Variants in NKAIN2 observed in about 807,000 individuals in gnomAD.
The protein encoded by NKAIN2 is sodium/potassium-transporting ATPase subunit beta-1-interacting protein 2.
Under a neutral mutation model 32.6 loss-of-function variants are expected in NKAIN2, and 14 were observed. That is an observed-to-expected ratio of 0.43 (90% CI 0.28 to 0.67). The LOEUF (loss-of-function observed/expected upper bound fraction) is 0.67. Ranked by LOEUF, NKAIN2 falls within the 30% of genes least tolerant of loss-of-function variation. The pLI, the probability that NKAIN2 is intolerant of heterozygous loss-of-function variation, is 0.17. For missense variants in NKAIN2, 198 were observed against 258.3 expected (o/e 0.77, Z 1.60); for synonymous variants, 80 against 87.2 (o/e 0.92, Z 0.46).
chr6:124,726,178 A>G (rs1450819045), intron 4 of NKAIN2, among the ~76,000 whole-genome samples: 3 of 152,158 alleles, frequency 2.0e-5, no homozygotes, highest in Admixed American at 6.5e-5. Context: ...CAAAGCAGCC[A>G]GAAAGCTCCA....
At chr6:123,868,159 T>C (rs148474752) in intron 1 of NKAIN2, among the ~76,000 whole-genome samples, 1,820 of 152,176 alleles carry the variant, frequency 0.012, 26 homozygotes, top group Non-Finnish European at 0.02. Flanking sequence ...TGAGCCACTG[T>C]GCCCAGCCTG....
At chr6:124,092,082 C>G (rs1784450881) in intron 1 of NKAIN2, among the ~76,000 whole-genome samples, 1 of 151,954 alleles carries the variant, frequency 6.6e-6, no homozygotes, top group East Asian at 1.9e-4. Context: ...ATGCCATATG[C>G]CCTTTCACCT....
At chr6:124,171,016 A>T (rs1788820037) in intron 1 of NKAIN2, among the ~76,000 whole-genome samples, 1 of 152,108 alleles carries the variant, frequency 6.6e-6, no homozygotes, top group African/African-American at 2.4e-5. Context: ...TAAAAAACAA[A>T]TTTTCATAAT....
At chr6:124,222,235 A>G (rs1195238864) in intron 1 of NKAIN2, among the ~76,000 whole-genome samples, 1 of 152,232 alleles carries the variant, frequency 6.6e-6, no homozygotes, top group African/African-American at 2.4e-5. Flanking sequence ...GTCAGTCAAG[A>G]AAAGGAAAGA....
chr6:124,265,162 A>G (rs1794436357), intron 1 of NKAIN2, among the ~76,000 whole-genome samples: 1 of 152,034 alleles, frequency 6.6e-6, no homozygotes, highest in Non-Finnish European at 1.5e-5. Flanking sequence ...TTTTCAAGTG[A>G]CTTCATTCAA....
At chr6:124,259,754 G>T (rs1273316102) in intron 1 of NKAIN2, among the ~76,000 whole-genome samples, 1 of 151,972 alleles carries the variant, frequency 6.6e-6, no homozygotes, top group Non-Finnish European at 1.5e-5. Context: ...CTGATGCCTA[G>T]ATGACTATTA....
chr6:124,028,780 T>C (rs1432058356), intron 1 of NKAIN2, among the ~76,000 whole-genome samples: 2 of 146,238 alleles, frequency 1.4e-5, no homozygotes, highest in African/African-American at 5.2e-5. Flanking sequence ...TATATACATA[T>C]ATACGCATAT....
chr6:124,004,242 C>T (rs955027887), intron 1 of NKAIN2, among the ~76,000 whole-genome samples: 5 of 152,064 alleles, frequency 3.3e-5, no homozygotes, highest in African/African-American at 4.8e-5. Context: ...ATCTGTGGTA[C>T]GGTTCATTTG....
At chr6:123,901,037 C>T (rs983402668) in intron 1 of NKAIN2, among the ~76,000 whole-genome samples, 2 of 152,116 alleles carry the variant, frequency 1.3e-5, no homozygotes, top group Middle Eastern at 3.2e-3. Context: ...TGTCCTCTGA[C>T]CCATGTCTTT....
chr6:124,019,661 A>T (rs1488773698), intron 1 of NKAIN2, among the ~76,000 whole-genome samples: 1 of 152,192 alleles, frequency 6.6e-6, no homozygotes, highest in Admixed American at 6.5e-5. Context: ...AGAAAGGATA[A>T]ATATTTTATA....
intron 3 of NKAIN2, among the ~76,000 whole-genome samples, chr6:124,408,606 A>G (rs1228489828): frequency 3.3e-5 from 5 of 152,184 alleles, no homozygotes; most frequent in Admixed American, 3.3e-4. Flanking sequence ...GTAGCCTTGT[A>G]GTAAAGTTTG....
chr6:124,557,605 C>T (rs503629), intron 3 of NKAIN2, among the ~76,000 whole-genome samples: 117,858 of 152,120 alleles, frequency 0.77, 46,362 homozygotes, highest in East Asian at 1. Flanking sequence ...ATTAAGCATA[C>T]CAGTGACTGT....
chr6:124,605,486 A>C (rs1356678404), intron 3 of NKAIN2, among the ~76,000 whole-genome samples: 1 of 152,116 alleles, frequency 6.6e-6, no homozygotes, highest in Admixed American at 6.6e-5. Context: ...AATATAATTA[A>C]GCACATTTTC....
chr6:123,810,396 G>A (rs1773409756), intron 1 of NKAIN2, among the ~76,000 whole-genome samples: 1 of 152,088 alleles, frequency 6.6e-6, no homozygotes, highest in Non-Finnish European at 1.5e-5. Context: ...TTAGAGAGGT[G>A]GGGTTGATTG....
chr6:124,628,201 A>G (rs1251344221), intron 3 of NKAIN2, among the ~76,000 whole-genome samples: 3 of 152,286 alleles, frequency 2.0e-5, no homozygotes, highest in African/African-American at 7.2e-5. Flanking sequence ...CTTTAGGTTT[A>G]GTTAACAAAT....
chr6:124,456,160 T>G (rs1461808874), intron 3 of NKAIN2, among the ~76,000 whole-genome samples: 2 of 152,004 alleles, frequency 1.3e-5, no homozygotes, highest in African/African-American at 4.8e-5. Context: ...GCTTCTTGCT[T>G]ATTTCCCTCA....
At chr6:124,658,582 C>A in intron 4 of NKAIN2, 196 bp downstream of exon 4, 1 of 1,322,962 alleles carries the variant, frequency 7.6e-7, no homozygotes, top group Non-Finnish European at 1.0e-6. Flanking sequence ...TTTTCTTCGA[C>A]AATTAGTAAA....
chr6:124,642,452 G>A (rs1164776744), intron 3 of NKAIN2, among the ~76,000 whole-genome samples: 1 of 152,120 alleles, frequency 6.6e-6, no homozygotes, highest in East Asian at 1.9e-4. Context: ...AACAAGCCAT[G>A]ACTAATAACA....
chr6:123,902,448 T>G, intron 1 of NKAIN2, among the ~76,000 whole-genome samples: 1 of 152,200 alleles, frequency 6.6e-6, no homozygotes, highest in East Asian at 1.9e-4. Flanking sequence ...GTACAGCTAC[T>G]TCAGTATCTA....
Sources: allele counts gnomAD v4.1 joint callset (sites outside exome capture counted in the v4.1 genomes callset), GRCh38; gene constraint gnomAD v4.1.1; transcripts MANE v1.5; gene names NCBI Gene and HGNC (gene_info 2026-07-23, HGNC 2026-07-21).